HACD2: variants seen among roughly 807,000 people sequenced by gnomAD.
HACD2 encodes the protein 3-hydroxyacyl-CoA dehydratase 2, also known as very-long-chain (3R)-3-hydroxyacyl-CoA dehydratase 2.
Under a neutral mutation model 31.0 loss-of-function variants are expected in HACD2, and 15 were observed. The observed-to-expected ratio is 0.48, with a 90% CI of 0.32 to 0.75. The LOEUF (loss-of-function observed/expected upper bound fraction) is 0.75. Among genes scored for constraint, HACD2 ranks in the 30% least tolerant of loss-of-function variants. HACD2 has a pLI of 0.03. For missense variants in HACD2, 283 were observed against 313.0 expected, an observed-to-expected ratio of 0.90 and a Z score of 0.72; for synonymous variants, 115 against 122.2, an observed-to-expected ratio of 0.94 and a Z score of 0.39.
chr3:123,502,342 T>C (rs73857650), intron 5 of HACD2, among the ~76,000 whole-genome samples: 5,379 of 152,314 alleles, frequency 0.035, 103 homozygotes, highest in Middle Eastern at 0.088. Context: ...CTGATCCCAA[T>C]TAAAATAATT....
At chr3:123,544,371 G>A (rs1334991252) in intron 3 of HACD2, among the ~76,000 whole-genome samples, 1 of 152,062 alleles carries the variant, frequency 6.6e-6, no homozygotes, top group Non-Finnish European at 1.5e-5. Context: ...TGAATGTTCA[G>A]GTACAAGAAG....
Position 123,537,279 on chromosome 3 carries a change from A to C in HACD2, c.293-8805T>G, listed in dbSNP as rs149080736. On this transcript the variant is annotated intron_variant, in intron 3 of 6. Coordinates refer to ENST00000383657, the MANE Select transcript of HACD2 (RefSeq NM_198402.5). ...AGAATTTTCATAACTTTTTTCTTAT[A>C]TCTTTTAGCAAATAGTGTTGCCAGG... Among the ~76,000 whole-genome samples the C allele has an allele frequency of 2.8e-3, 432 of 152,286 alleles. 2 individuals carry two copies. Among genetic ancestry groups the C allele is most frequent in the African/African-American group, 1.0e-2 (415 of 41,562 alleles).
intron 4 of HACD2, among the ~76,000 whole-genome samples, chr3:123,504,747 G>A (rs1413774905): frequency 6.6e-6 from 1 of 152,194 alleles, no homozygotes; most frequent in Non-Finnish European, 1.5e-5. Context: ...GACTAGGGAT[G>A]CAGGAAATGA....
At chr3:123,506,167 T>G (rs1326212336) in intron 4 of HACD2, among the ~76,000 whole-genome samples, 1 of 152,204 alleles carries the variant, frequency 6.6e-6, no homozygotes, top group South Asian at 2.1e-4. Context: ...TTAAAAATAA[T>G]TTTTTCCTTC....
chr3:123,551,168 CT>C (rs1297801698), intron 3 of HACD2, among the ~76,000 whole-genome samples: 1 of 152,130 alleles, frequency 6.6e-6, no homozygotes, highest in Non-Finnish European at 1.5e-5. Flanking sequence ...GTTCCTCTAC[CT>C]CTTTGAACTT....
At chr3:123,547,285 C>T (rs2056571001) in intron 3 of HACD2, among the ~76,000 whole-genome samples, 1 of 152,132 alleles carries the variant, frequency 6.6e-6, no homozygotes, top group Non-Finnish European at 1.5e-5. Context: ...ACCAACTAAG[C>T]AAATCAGCCC....
At chr3:123,577,601 A>G (rs1048781394) in intron 2 of HACD2, among the ~76,000 whole-genome samples, 5 of 142,768 alleles carry the variant, frequency 3.5e-5, no homozygotes, top group South Asian at 4.6e-4. Flanking sequence ...AGCCTGGGCG[A>G]TGGAGTGAGA....
chr3:123,502,801 C>T, intron 4 of HACD2, 120 bp from the exon 5 acceptor site: 1 of 1,004,704 alleles, frequency 1.0e-6, no homozygotes, highest in Non-Finnish European at 1.4e-6. Context: ...ATCTTCAGGA[C>T]CCCTGTATGG....
In HACD2 at chr3:123,493,598, CTCTT is replaced by C. The variant is rs1161496512; in HGVS notation, c.*1286_*1289del. The C allele has an allele frequency of 6.6e-5, 10 of 152,326 alleles. No homozygotes were observed. Among genetic ancestry groups the C allele is most frequent in the East Asian group, 1.9e-4 (1 of 5,182 alleles). 9.4% of individuals were successfully genotyped at this position (152,326 alleles called of 1,614,324 possible). On this transcript the variant is annotated 3_prime_UTR_variant, in exon 7 of 7. Coordinates refer to ENST00000383657, the MANE Select transcript of HACD2 (RefSeq NM_198402.5). ...CTTGGGCTTTCACATTTTCATCCAA[CTCTT>C]TCTTTCTTATTTTTTTTCAGTTTAC...
rs139321121 is a variant in HACD2 at position 123,539,613 on chromosome 3, C to T, written c.293-11139G>A. On this transcript the variant is annotated intron_variant, in intron 3 of 6. Coordinates refer to ENST00000383657, the MANE Select transcript of HACD2 (RefSeq NM_198402.5). ...AAAAACGTATGGTAGAAGTCAGGCTCAGGGAAAATAAGGGTAAAAACAATA... is the reference window on the plus strand; with the variant it reads ...AAAAACGTATGGTAGAAGTCAGGCTTAGGGAAAATAAGGGTAAAAACAATA... 2.8e-3 allele frequency among the ~76,000 whole-genome samples: 430 copies of T among 151,796 alleles called. 2 individuals are homozygous for T. Among genetic ancestry groups the T allele is most frequent in the African/African-American group, 0.01 (415 of 41,384 alleles).
intron 3 of HACD2, among the ~76,000 whole-genome samples, chr3:123,546,965 T>C (rs1316304054): frequency 6.6e-6 from 1 of 152,176 alleles, no homozygotes; most frequent in African/African-American, 2.4e-5. Flanking sequence ...AGAGTTCATA[T>C]CTAAAAAAAT....
At chr3:123,546,035 T>A (rs900086574) in intron 3 of HACD2, among the ~76,000 whole-genome samples, 1 of 152,132 alleles carries the variant, frequency 6.6e-6, no homozygotes, top group South Asian at 2.1e-4. Flanking sequence ...AAAATCTAAA[T>A]GGAAACAGCT....
At chr3:123,529,992 T>C (rs2107708472) in intron 3 of HACD2, among the ~76,000 whole-genome samples, 1 of 152,258 alleles carries the variant, frequency 6.6e-6, no homozygotes, top group South Asian at 2.1e-4. Flanking sequence ...TCTTGTAAAA[T>C]AATGTTTAAT....
intron 6 of HACD2, chr3:123,499,408 C>A: frequency 8.1e-6 from 2 of 245,960 alleles, no homozygotes; most frequent in African/African-American, 2.2e-5. Flanking sequence ...GCTATGATTC[C>A]AGCACTAGAG....
At chr3:123,579,304 T>C (rs2056941108) in intron 2 of HACD2, among the ~76,000 whole-genome samples, 1 of 151,996 alleles carries the variant, frequency 6.6e-6, no homozygotes, top group South Asian at 2.1e-4. Flanking sequence ...ACCAAGTTTT[T>C]TTTTTTTTGA....
chr3:123,520,547 AT>A (rs1338829191), intron 4 of HACD2, among the ~76,000 whole-genome samples: 1 of 152,244 alleles, frequency 6.6e-6, no homozygotes, highest in Non-Finnish European at 1.5e-5. Flanking sequence ...TACACAGAAC[AT>A]TTCCAGCAAT....
At chr3:123,506,579 G>A (rs2055977931) in intron 4 of HACD2, among the ~76,000 whole-genome samples, 2 of 152,064 alleles carry the variant, frequency 1.3e-5, no homozygotes, top group Admixed American at 1.3e-4. Context: ...ACAGGTGTGT[G>A]CCACCACACC....
At position 123,570,857 on chromosome 3, in the gene HACD2, A is replaced by T. The variant is rs537820957; in HGVS notation, c.274-3077T>A. On this transcript the variant is annotated intron_variant, in intron 2 of 6. Coordinates refer to ENST00000383657, the MANE Select transcript of HACD2 (RefSeq NM_198402.5). ...TTAACAGGGGATACTTTTAGGACAA[A>T]ACAGAAGACGAGCTATCCCAAAATA... 3.9e-5 allele frequency among the ~76,000 whole-genome samples: 6 copies of T among 152,050 alleles called. No individual in the cohort carries two copies. The South Asian group carries it at 6.2e-4, about 16-fold the overall frequency.
intron 3 of HACD2, among the ~76,000 whole-genome samples, chr3:123,551,462 A>AT (rs2056619207): frequency 6.6e-6 from 1 of 151,910 alleles, no homozygotes. Context: ...CTACTAAAAA[A>AT]AAATATATAA....
Sources: gnomAD v4.1 joint callset for allele counts (sites outside exome capture counted in the v4.1 genomes callset) on GRCh38, gnomAD v4.1.1 for gene constraint, MANE v1.5 for transcripts, NCBI Gene and HGNC (gene_info 2026-07-23, HGNC 2026-07-21) for gene names.